Variants in GLB1L3 observed in about 807,000 individuals in gnomAD.
GLB1L3 encodes beta-galactosidase-1-like protein 3.
GLB1L3 carries 89 observed loss-of-function variants against 89.5 expected under a neutral mutation model. That is an observed-to-expected ratio of 0.99 (90% CI 0.84 to 1.19). The LOEUF (loss-of-function observed/expected upper bound fraction) is 1.19. GLB1L3 is among the 50% of genes most tolerant of loss of function. GLB1L3 has a pLI of 0.00. For synonymous variants in GLB1L3, 314 were observed against 312.3 expected (o/e 1.01, Z -0.06); for missense variants, 812 against 813.3 (o/e 1.00, Z 0.02).
chr11:134,279,629 G>A (rs1940577482), intron 3 of GLB1L3, among the ~76,000 whole-genome samples: 1 of 152,088 alleles, frequency 6.6e-6, no homozygotes, highest in Non-Finnish European at 1.5e-5. Context: ...GCCTCCCAAA[G>A]TGCTGGGATT....
At chr11:134,277,597 A>G in intron 2 of GLB1L3, 103 bp from the exon 3 acceptor site, 3 of 1,503,920 alleles carry the variant, frequency 2.0e-6, no homozygotes, top group Non-Finnish European at 2.8e-6. Context: ...AACACGTCCT[A>G]CTAACAAAAA....
intron 9 of GLB1L3, among the ~76,000 whole-genome samples, chr11:134,295,782 A>G (rs1941601272): frequency 6.6e-6 from 1 of 152,190 alleles, no homozygotes; most frequent in Non-Finnish European, 1.5e-5. Flanking sequence ...GTTTTGCTGC[A>G]TCTCGCCAAT....
At chr11:134,281,717 T>C (rs543072) in intron 4 of GLB1L3, among the ~76,000 whole-genome samples, 85,967 of 89,768 alleles carry the variant, frequency 0.96, 41,870 homozygotes, top group Non-Finnish European at 0.97. Flanking sequence ...GCATGGGGTC[T>C]GGCGCCTGGG....
At chr11:134,316,486 T>C (rs1942983829) in intron 18 of GLB1L3, among the ~76,000 whole-genome samples, 1 of 152,186 alleles carries the variant, frequency 6.6e-6, no homozygotes, top group African/African-American at 2.4e-5. Flanking sequence ...GTTGCCATGT[T>C]AGCCTAACAG....
chr11:134,308,290 C>T (rs1403118178), intron 10 of GLB1L3, among the ~76,000 whole-genome samples: 6 of 48,924 alleles, frequency 1.2e-4, no homozygotes, highest in African/African-American at 4.4e-4. Context: ...CCAAATACCA[C>T]CACCACCACC....
At chr11:134,283,936 C>A in intron 6 of GLB1L3, 91 bp downstream of exon 6, 1 of 735,744 alleles carries the variant, frequency 1.4e-6, no homozygotes, top group Middle Eastern at 2.4e-4. Flanking sequence ...CACATGCAGT[C>A]TCCATGAACA....
Position 134,308,317 on chromosome 11 carries a change from C to CCACCAT in GLB1L3, c.961+1130_961+1135dup, listed in dbSNP as rs1326142370. ...ACCACCACCACCACCACCACTACCA[C>CCACCAT]CACCATCACCATCACCATCACCATC... On this transcript the variant is annotated intron_variant, in intron 10 of 19. Transcript: ENST00000431683. Among the ~76,000 whole-genome samples the CCACCAT allele has an allele frequency of 5.4e-5, 3 of 55,962 alleles. 1 individual carries two copies. The highest frequency in any genetic ancestry group is 1.8e-4 in the African/African-American group (2 of 11,406). 36.7% of individuals were successfully genotyped at this position (55,962 alleles called of 152,430 possible). A position where few individuals can be genotyped will look rare whatever the true frequency, so the allele number is the denominator to read the frequency against.
chr11:134,308,257 C>CACT (rs1942357321), intron 10 of GLB1L3, among the ~76,000 whole-genome samples: 2 of 45,594 alleles, frequency 4.4e-5, no homozygotes, highest in Non-Finnish European at 8.9e-5. Flanking sequence ...CCACCATCAC[C>CACT]ACCACCACCA....
Position 134,293,211 on chromosome 11 carries a change from T to C in GLB1L3, c.876+2T>C. 6.2e-7 allele frequency: 1 copy of C among 1,613,040 alleles called. No individual in the cohort carries two copies. The highest frequency in any genetic ancestry group is 8.5e-7 in the Non-Finnish European group (1 of 1,179,110). ...TTCAATCAGCTTCATAAAGTCCAGG[T>C]AAGACATTTCAGACAGGCAGGGTTT... On this transcript the variant is annotated splice_donor_variant, in intron 9 of 19. Coordinates refer to ENST00000431683, the MANE Select transcript of GLB1L3 (RefSeq NM_001080407.3). LOFTEE classifies it high-confidence loss of function.
At position 134,310,631 on chromosome 11, in the gene GLB1L3, A is replaced by C. The variant is rs761117529; in HGVS notation, c.1160A>C (p.Lys387Thr). ...DYTEKYLKLQ[K>T]LFQSVSATPL... ...ACAGAAAAATATCTGAAGCTTCAAA[A>C]ACTCTTTCAATCTGTCTCAGGTACT... The change falls in exon 12 of 20, where the codon AAA (lysine) becomes ACA (threonine). Residue 387 changes from lysine (K) to threonine (T), a missense_variant. Coordinates refer to ENST00000431683, the MANE Select transcript of GLB1L3 (RefSeq NM_001080407.3). 6.2e-7 allele frequency: 1 copy of C among 1,613,114 alleles called. No individual in the cohort carries two copies. The highest frequency in any genetic ancestry group is 1.1e-5 in the South Asian group (1 of 90,962).
chr11:134,300,115 G>A (rs942109560), intron 9 of GLB1L3, among the ~76,000 whole-genome samples: 2 of 152,144 alleles, frequency 1.3e-5, no homozygotes, highest in Non-Finnish European at 2.9e-5. Flanking sequence ...TTAAACAGCA[G>A]ATGTTTATTT....
At chr11:134,286,089 A>G (rs1040005142) in intron 6 of GLB1L3, among the ~76,000 whole-genome samples, 12 of 151,936 alleles carry the variant, frequency 7.9e-5, no homozygotes, top group Middle Eastern at 3.4e-3. Context: ...TTGTATTTTT[A>G]GTAGAGATGG....
chr11:134,281,074 C>G (rs1313349113), intron 3 of GLB1L3, among the ~76,000 whole-genome samples: 3 of 152,110 alleles, frequency 2.0e-5, no homozygotes, highest in Non-Finnish European at 4.4e-5. Context: ...TTTTTGTTCT[C>G]TTTTTTAATT....
At chr11:134,294,895 G>A (rs570975857) in intron 9 of GLB1L3, among the ~76,000 whole-genome samples, 10 of 152,264 alleles carry the variant, frequency 6.6e-5, no homozygotes, top group South Asian at 2.1e-4. Flanking sequence ...CCCAAAGGCC[G>A]TCCTGCTTTA....
At chr11:134,320,286 C>T (rs984946557), downstream of GLB1L3, among the ~76,000 whole-genome samples, 1 of 152,140 alleles carries the variant, frequency 6.6e-6, no homozygotes, top group African/African-American at 2.4e-5. Context: ...TCTTCTCTCC[C>T]ACTAGTCTGA....
intron 6 of GLB1L3, among the ~76,000 whole-genome samples, chr11:134,285,985 C>T (rs2581883): frequency 0.4 from 60,162 of 150,202 alleles, 12,793 homozygotes; most frequent in Non-Finnish European, 0.47. Flanking sequence ...CTCGGCTCAC[C>T]GCAACTTCCA....
chr11:134,290,223 ATTCAGCCAGCATTATTTAATCGGTTGTG>A (rs1565396635), intron 7 of GLB1L3, among the ~76,000 whole-genome samples: 9 of 148,074 alleles, frequency 6.1e-5, no homozygotes, highest in East Asian at 1.9e-4. Context: ...AATCGGTTGT[ATTCAGCCAGCATTATTTAATCGGTTGTG>A]TTCAGCCAGC....
intron 9 of GLB1L3, among the ~76,000 whole-genome samples, chr11:134,302,241 C>G (rs1362742952): frequency 6.6e-6 from 1 of 152,150 alleles, no homozygotes; most frequent in Non-Finnish European, 1.5e-5. Flanking sequence ...ACAAGCTGTG[C>G]TTACTATCAA....
chr11:134,277,805 C>T lies in GLB1L3; in HGVS notation c.255C>T (p.His85=), dbSNP rs776751555. The T allele has an allele frequency of 6.2e-7, 1 of 1,614,106 alleles. No homozygotes were observed. The highest frequency in any genetic ancestry group is 2.2e-5 in the East Asian group (1 of 44,870). Residue 85 remains histidine (H), a synonymous_variant, in exon 3 of 20, where the codon CAC becomes CAT. Coordinates refer to ENST00000431683, the MANE Select transcript of GLB1L3 (RefSeq NM_001080407.3). ...AGCCCCACTTCACACTGGAGGGCCA[C>T]AAGTTCCTGATCTTCGGGGGCTCCA... ...RGKPHFTLEG[H]KFLIFGGSIH... is the part of the protein sequence containing the mutation.
Sources: gnomAD v4.1 joint callset for allele counts (sites outside exome capture counted in the v4.1 genomes callset) on GRCh38, gnomAD v4.1.1 for gene constraint, MANE v1.5 for transcripts, NCBI Gene and HGNC (gene_info 2026-07-23, HGNC 2026-07-21) for gene names.